Variants in TAS2R1 observed in about 807,000 individuals in gnomAD.
TAS2R1 encodes taste 2 receptor member 1.
For missense variants in TAS2R1, 370 were observed against 353.4 expected (o/e 1.05, Z -0.38); for synonymous variants, 141 against 134.2 (o/e 1.05, Z -0.35).
intron 1 of TAS2R1, among the ~76,000 whole-genome samples, chr5:9,702,730 G>C (rs530480389): frequency 1.3e-5 from 2 of 152,238 alleles, no homozygotes; most frequent in African/African-American, 4.8e-5. Flanking sequence ...TGTCAAACCA[G>C]AAGACATAAG....
chr5:9,843,765 CAGTTT>C, the TAS2R1 span, among the ~76,000 whole-genome samples: 1 of 152,216 alleles, frequency 6.6e-6, no homozygotes, highest in Non-Finnish European at 1.5e-5. Context: ...AATCCAAGCA[CAGTTT>C]AGTTAAGTTC....
the TAS2R1 span, among the ~76,000 whole-genome samples, chr5:9,867,518 G>A: frequency 2.0e-5 from 3 of 152,050 alleles, no homozygotes; most frequent in African/African-American, 7.2e-5. Context: ...GAACAGCATG[G>A]GAGAACCTGC....
At chr5:9,710,998 A>T (rs982677193) in intron 1 of TAS2R1, among the ~76,000 whole-genome samples, 22 of 148,094 alleles carry the variant, frequency 1.5e-4, no homozygotes, top group East Asian at 1.9e-4. Flanking sequence ...ATATATATTT[A>T]AAAAACAGAA....
At chr5:9,758,758 G>A in the TAS2R1 span, among the ~76,000 whole-genome samples, 21 of 152,170 alleles carry the variant, frequency 1.4e-4, no homozygotes, top group African/African-American at 4.6e-4. Flanking sequence ...GCCAAGAAAA[G>A]ACTCCCCCAG....
At chr5:9,659,042 G>T (rs943026693) in intron 2 of TAS2R1, among the ~76,000 whole-genome samples, 3 of 152,160 alleles carry the variant, frequency 2.0e-5, no homozygotes, top group African/African-American at 7.2e-5. Context: ...ATCCCCTGTG[G>T]CAAGTTAGCA....
At chr5:9,707,599 C>T (rs1036253374) in intron 1 of TAS2R1, among the ~76,000 whole-genome samples, 16 of 152,170 alleles carry the variant, frequency 1.1e-4, no homozygotes, top group African/African-American at 3.6e-4. Context: ...AAGAGAATCG[C>T]TTGAACCCGG....
the TAS2R1 span, among the ~76,000 whole-genome samples, chr5:9,776,508 C>A: frequency 2.6e-5 from 4 of 152,162 alleles, no homozygotes; most frequent in African/African-American, 9.7e-5. Flanking sequence ...GGAGGATGAT[C>A]AGTGGAGGCT....
At chr5:9,676,585 T>C (rs1025308893) in intron 1 of TAS2R1, among the ~76,000 whole-genome samples, 7 of 152,170 alleles carry the variant, frequency 4.6e-5, no homozygotes, top group South Asian at 2.1e-4. Flanking sequence ...ATAGACCTTA[T>C]AACTTTTACT....
chr5:9,877,606 G>A, the TAS2R1 span, among the ~76,000 whole-genome samples: 1 of 152,200 alleles, frequency 6.6e-6, no homozygotes, highest in African/African-American at 2.4e-5. Context: ...TCTCCAATAT[G>A]CTGCTCTGGG....
the TAS2R1 span, among the ~76,000 whole-genome samples, chr5:9,728,337 G>A: frequency 2.6e-5 from 4 of 152,322 alleles, no homozygotes; most frequent in East Asian, 7.7e-4. Context: ...TTTCATAACA[G>A]ACATTTTTAA....
At chr5:9,632,571 T>A (rs200597526), upstream of TAS2R1, among the ~76,000 whole-genome samples, 1 of 152,254 alleles carries the variant, frequency 6.6e-6, no homozygotes, top group East Asian at 1.9e-4. Flanking sequence ...ACCGTGCCAC[T>A]ACTTTATTAA....
At chr5:9,900,157 T>C in the TAS2R1 span, among the ~76,000 whole-genome samples, 1 of 152,324 alleles carries the variant, frequency 6.6e-6, no homozygotes, top group South Asian at 2.1e-4. Context: ...CTAAATGTCT[T>C]AGTTTTATAC....
At chr5:9,745,590 A>G in the TAS2R1 span, among the ~76,000 whole-genome samples, 2 of 151,932 alleles carry the variant, frequency 1.3e-5, no homozygotes, top group Non-Finnish European at 2.9e-5. Context: ...ATAGAACAGA[A>G]GAGAGACCTC....
At chr5:9,743,574 T>C in the TAS2R1 span, among the ~76,000 whole-genome samples, 2 of 152,226 alleles carry the variant, frequency 1.3e-5, no homozygotes, top group African/African-American at 4.8e-5. Context: ...TCGCGCCTCT[T>C]TGCCAACTGT....
At chr5:9,751,601 C>T in the TAS2R1 span, among the ~76,000 whole-genome samples, 1 of 152,162 alleles carries the variant, frequency 6.6e-6, no homozygotes, top group African/African-American at 2.4e-5. Context: ...AGGATTCCCA[C>T]ACTTGCTTTA....
chr5:9,760,755 G>A, the TAS2R1 span, among the ~76,000 whole-genome samples: 1 of 152,158 alleles, frequency 6.6e-6, no homozygotes, highest in Non-Finnish European at 1.5e-5. Flanking sequence ...GTGAGAAACG[G>A]AATGCTTTCC....
chr5:9,700,616 C>A (rs558349408), intron 1 of TAS2R1, among the ~76,000 whole-genome samples: 1 of 152,118 alleles, frequency 6.6e-6, no homozygotes, highest in African/African-American at 2.4e-5. Context: ...CTAGGACACC[C>A]GTAACAAAGT....
chr5:9,698,873 C>G (rs1741417705), intron 1 of TAS2R1, among the ~76,000 whole-genome samples: 1 of 152,130 alleles, frequency 6.6e-6, no homozygotes, highest in Admixed American at 6.6e-5. Context: ...CATGCTGTTT[C>G]TGTGTGTGTG....
chr5:9,827,273 A>G, the TAS2R1 span, among the ~76,000 whole-genome samples: 1 of 151,972 alleles, frequency 6.6e-6, no homozygotes, highest in South Asian at 2.1e-4. Flanking sequence ...GGCAATCCCA[A>G]TCCTCTCAAT....
Sources: gnomAD v4.1 joint callset for allele counts (sites outside exome capture counted in the v4.1 genomes callset) on GRCh38, gnomAD v4.1.1 for gene constraint, MANE v1.5 for transcripts, NCBI Gene and HGNC (gene_info 2026-07-23, HGNC 2026-07-21) for gene names.